PCDHGB3: variants seen among roughly 807,000 people sequenced by gnomAD.
PCDHGB3 encodes protocadherin gamma-B3.
In PCDHGB3, 40 loss-of-function variants were observed where a neutral mutation model predicts 59.2. The ratio of observed to expected loss-of-function variants is 0.68; its 90% CI spans 0.52 to 0.88. The LOEUF is 0.88. Ranked by LOEUF, PCDHGB3 falls within the 40% of genes least tolerant of loss-of-function variation. The probability of loss-of-function intolerance (pLI) is 0.00; values close to 1 mark genes in which losing one functional copy is unlikely to be tolerated. For synonymous variants in PCDHGB3, 581 were observed against 503.6 expected (o/e 1.15, Z -2.06); for missense variants, 1,309 against 1,187.9 (o/e 1.10, Z -1.50).
Position 141,372,284 on chromosome 5 carries a change from T to C in PCDHGB3, c.1890T>C (p.Arg630=). The C allele has an allele frequency of 6.2e-7, 1 of 1,613,190 alleles. No homozygotes were observed. Among genetic ancestry groups the C allele is most frequent in the Non-Finnish European group, 8.5e-7 (1 of 1,179,850 alleles). ...GLRTGEVRTA[R]TLGDREAARQ... ...GCACGGGTGAGGTGCGCACGGCGCG[T>C]ACCTTGGGCGACAGGGAGGCCGCCC... The change falls in exon 1 of 4, where the codon CGT becomes CGC. Residue 630 remains arginine (R), a synonymous_variant. Coordinates refer to ENST00000576222, the MANE Select transcript of PCDHGB3 (RefSeq NM_018924.5).
At chr5:141,421,894 C>A in intron 1 of PCDHGB3, 3 of 1,613,704 alleles carry the variant, frequency 1.9e-6, no homozygotes, top group Non-Finnish European at 2.5e-6. Context: ...CGATCCCATC[C>A]GAAAGGGCGC....
intron 1 of PCDHGB3, chr5:141,440,479 T>C (rs949675242): frequency 6.6e-6 from 1 of 152,172 alleles, no homozygotes; most frequent in African/African-American, 2.4e-5. Context: ...TTGAAAATTC[T>C]TTAAATGTTT....
At chr5:141,417,304 AG>A (rs1315238937) in intron 1 of PCDHGB3, 1 of 152,318 alleles carries the variant, frequency 6.6e-6, no homozygotes, top group East Asian at 1.9e-4. Context: ...CTCTGGATGG[AG>A]GAATTGGATA....
intron 1 of PCDHGB3, chr5:141,405,443 A>G (rs2154536495): frequency 7.2e-7 from 1 of 1,381,938 alleles, no homozygotes; most frequent in Non-Finnish European, 1.0e-6. Flanking sequence ...TTTTTGAGAC[A>G]GAGTCTTACT....
chr5:141,410,505 A>T (rs2095401601), intron 1 of PCDHGB3: 1 of 1,613,848 alleles, frequency 6.2e-7, no homozygotes, highest in Non-Finnish European at 8.5e-7. Flanking sequence ...AATTTCCTAA[A>T]ATGCAGTGTG....
chr5:141,382,954 C>T, intron 1 of PCDHGB3: 1 of 1,604,450 alleles, frequency 6.2e-7, no homozygotes, highest in East Asian at 2.2e-5. Flanking sequence ...GCTCTCCATC[C>T]TCCTGGGGAC....
At position 141,370,936 on chromosome 5, in the gene PCDHGB3, T is replaced by C. The variant is rs1410454711; in HGVS notation, c.542T>C (p.Ile181Thr). 1 of 1,613,960 alleles carries C rather than the reference T, an allele frequency of 6.2e-7. No individual in the cohort carries two copies. Among genetic ancestry groups the C allele is most frequent in the South Asian group, 1.1e-5 (1 of 91,080 alleles). ...AGCCCTGATCCGCACTTCTCTTTGA[T>C]TCAGAAGGAGAACCTGGATGGCAGT... The part of the protein sequence containing the change: ...YLSPDPHFSL[I>T]QKENLDGSRY... Residue 181 changes from isoleucine (I) to threonine (T), a missense_variant, in exon 1 of 4, where the codon ATT (isoleucine) becomes ACT (threonine). Coordinates refer to ENST00000576222, the MANE Select transcript of PCDHGB3 (RefSeq NM_018924.5).
At chr5:141,420,473 G>A (rs1016985115) in intron 1 of PCDHGB3, 8 of 707,118 alleles carry the variant, frequency 1.1e-5, no homozygotes, top group Non-Finnish European at 1.6e-5. Flanking sequence ...ACATTTTAAA[G>A]CAAACTACAT....
At chr5:141,394,240 C>T in intron 1 of PCDHGB3, 1 of 1,613,940 alleles carries the variant, frequency 6.2e-7, no homozygotes, top group Non-Finnish European at 8.5e-7. Context: ...TCCTTGACTG[C>T]ACACGACCCC....
intron 1 of PCDHGB3, chr5:141,410,911 T>C (rs927103159): frequency 2.6e-5 from 7 of 267,884 alleles, no homozygotes; most frequent in African/African-American, 7.8e-5. Flanking sequence ...TGGAGTGCAG[T>C]GGCGTGATCT....
In PCDHGB3 at chr5:141,490,770, C is replaced by T. The variant is rs774014462; in HGVS notation, c.2416-4037C>T. 1.2e-6 allele frequency: 2 copies of T among 1,614,120 alleles called. No individual in the cohort carries two copies. Among genetic ancestry groups the T allele is most frequent in the Non-Finnish European group, 8.5e-7 (1 of 1,179,968 alleles). ...CAGCCTCCTCCTTTGTGTATGTCAA[C>T]CCAGAGGATGGACGGATCTTTGCCC... On this transcript the variant is annotated intron_variant, in intron 1 of 3. Transcript: ENST00000576222. The surrounding 1 kb of genome is among the most constrained non-coding windows in gnomAD (Gnocchi z 5.4).
chr5:141,371,951 C>A lies in PCDHGB3; in HGVS notation c.1557C>A (p.Ala519=). The A allele has an allele frequency of 6.2e-7, 1 of 1,613,306 alleles. No individual in the cohort carries two copies. The highest frequency in any genetic ancestry group is 8.5e-7 in the Non-Finnish European group (1 of 1,179,874). Residue 519 remains alanine, a synonymous_variant, in exon 1 of 4, where the codon GCC becomes GCA. Coordinates refer to ENST00000576222, the MANE Select transcript of PCDHGB3 (RefSeq NM_018924.5). ...GCGGGGTGGTGTTCGCGCAGCGAGCCTTCGACCACGAGCAGCTGCGTGCCT... is the reference window on the plus strand; with the variant it reads ...GCGGGGTGGTGTTCGCGCAGCGAGCATTCGACCACGAGCAGCTGCGTGCCT... ...ARSGVVFAQR[A]FDHEQLRAFE...
chr5:141,451,009 T>C (rs1437016950), intron 1 of PCDHGB3, among the ~76,000 whole-genome samples: 1 of 151,566 alleles, frequency 6.6e-6, no homozygotes, highest in East Asian at 1.9e-4. Context: ...GTATTTTTTT[T>C]AGTAGAGACG....
Position 141,398,900 on chromosome 5 carries a change from G to A in PCDHGB3, c.2415+26091G>A, listed in dbSNP as rs765284630. Reference sequence around the variant, plus strand: ...AGCCTTCGGGAAAACGTGCCACCAGGCACCACTGTGTTGCAAGTGTCAGCC... The same window carrying A: ...AGCCTTCGGGAAAACGTGCCACCAGACACCACTGTGTTGCAAGTGTCAGCC... On this transcript the variant is annotated intron_variant, in intron 1 of 3. Coordinates refer to ENST00000576222, the MANE Select transcript of PCDHGB3 (RefSeq NM_018924.5). The A allele has an allele frequency of 3.1e-6, 5 of 1,613,846 alleles. No individual in the cohort carries two copies. In the East Asian group the frequency reaches 6.7e-5, roughly 22 times the overall value.
chr5:141,409,988 G>A (rs373071156), intron 1 of PCDHGB3: 43 of 1,613,160 alleles, frequency 2.7e-5, no homozygotes, highest in African/African-American at 5.3e-5. Context: ...AGCGGTGGAC[G>A]CCGACTCGGG....
At chr5:141,484,899 T>G (rs1296997337) in intron 1 of PCDHGB3, 9 of 398,498 alleles carry the variant, frequency 2.3e-5, no homozygotes, top group Non-Finnish European at 3.1e-5. Flanking sequence ...TCCCCTCCAA[T>G]GCTGCGACGC....
intron 1 of PCDHGB3, among the ~76,000 whole-genome samples, chr5:141,438,623 T>C (rs1485045684): frequency 2.3e-4 from 10 of 42,840 alleles, no homozygotes; most frequent in Non-Finnish European, 3.8e-4. Flanking sequence ...TATATATATA[T>C]ATATATATAT....
intron 1 of PCDHGB3, chr5:141,410,694 T>C: frequency 6.7e-7 from 1 of 1,493,788 alleles, no homozygotes; most frequent in Non-Finnish European, 8.9e-7. Context: ...TACTACTTTA[T>C]TTTCATATCT....
chr5:141,392,869 T>G, intron 1 of PCDHGB3: 4 of 1,613,228 alleles, frequency 2.5e-6, no homozygotes, highest in Non-Finnish European at 3.4e-6. Flanking sequence ...CTGTGCGCGC[T>G]GCTGGGAACG....
Sources: allele counts gnomAD v4.1 joint callset (sites outside exome capture counted in the v4.1 genomes callset), GRCh38; gene constraint gnomAD v4.1.1; non-coding constraint Gnocchi (gnomAD v3.1); transcripts MANE v1.5; gene names NCBI Gene and HGNC (gene_info 2026-07-23, HGNC 2026-07-21).